The following FNIP1 variants were observed in gnomAD, a reference collection of about 807,000 sequenced individuals.
The protein encoded by FNIP1 is folliculin-interacting protein 1.
Under a neutral mutation model 124.5 loss-of-function variants are expected in FNIP1, and 40 were observed. The observed-to-expected ratio is 0.32, with a 90% CI of 0.25 to 0.42. The LOEUF (loss-of-function observed/expected upper bound fraction) is 0.42. Among genes scored for constraint, FNIP1 ranks in the 10% least tolerant of loss-of-function variants. The pLI is 1.00. For synonymous variants in FNIP1, 472 were observed against 470.6 expected (o/e 1.00, Z -0.04); for missense variants, 1,176 against 1,403.7 (o/e 0.84, Z 2.59).
intron 1 of FNIP1, among the ~76,000 whole-genome samples, chr5:131,772,044 CAAAGGA>C (rs1329917642): frequency 1.3e-5 from 2 of 152,000 alleles, no homozygotes; most frequent in Non-Finnish European, 2.9e-5. Context: ...TTCACACATA[CAAAGGA>C]ATACTACTTT....
intron 8 of FNIP1, among the ~76,000 whole-genome samples, chr5:131,707,236 C>A (rs546836837): frequency 1.2e-4 from 19 of 152,196 alleles, no homozygotes; most frequent in Non-Finnish European, 2.2e-4. Flanking sequence ...GCTACAACTG[C>A]TGATTTTTCA....
chr5:131,747,112 T>G (rs1486486414), intron 1 of FNIP1, among the ~76,000 whole-genome samples: 2 of 152,192 alleles, frequency 1.3e-5, no homozygotes, highest in Non-Finnish European at 2.9e-5. Flanking sequence ...TGCCCACTGT[T>G]TATTGGGGTT....
chr5:131,738,814 T>C (rs1293181822), intron 2 of FNIP1, among the ~76,000 whole-genome samples: 11 of 111,748 alleles, frequency 9.8e-5, no homozygotes, highest in African/African-American at 8.4e-4. Flanking sequence ...CATCCGGCCT[T>C]TTTTTTTTTT....
intron 5 of FNIP1, 138 bp downstream of exon 5, chr5:131,718,848 T>C: frequency 1.7e-6 from 1 of 587,898 alleles, no homozygotes. Context: ...AAGAGTGAAA[T>C]CTGGCTTCCA....
Position 131,677,863 on chromosome 5 carries a change from T to G in FNIP1, c.1359A>C (p.Pro453=), listed in dbSNP as rs1416720925. The G allele has an allele frequency of 6.2e-6, 10 of 1,613,142 alleles. No individual in the cohort carries two copies. The highest frequency in any genetic ancestry group is 8.5e-6 in the Non-Finnish European group (10 of 1,179,496). ...TGGTCAGAACTGCAGTAATGAGAGCTGGCAAGAATCTGAAAACAAAATACA... is the reference window on the plus strand; with the variant it reads ...TGGTCAGAACTGCAGTAATGAGAGCGGGCAAGAATCTGAAAACAAAATACA... ...MENASKNQFL[P]ALITAVLTNH... The change falls in exon 13 of 18, where the codon CCA becomes CCC. Residue 453 remains proline (P), a synonymous_variant. Coordinates refer to ENST00000510461, the MANE Select transcript of FNIP1 (RefSeq NM_133372.3).
At chr5:131,702,939 T>G (rs1434097404) in intron 10 of FNIP1, among the ~76,000 whole-genome samples, 1 of 152,222 alleles carries the variant, frequency 6.6e-6, no homozygotes, top group Non-Finnish European at 1.5e-5. Flanking sequence ...GGCTTACCAT[T>G]GCCTGTCCTC....
chr5:131,659,267 T>A (rs2149508875), intron 15 of FNIP1, among the ~76,000 whole-genome samples: 1 of 152,290 alleles, frequency 6.6e-6, no homozygotes, highest in Admixed American at 6.5e-5. Context: ...CATGTCACAT[T>A]TCATGATGGA....
At chr5:131,676,749 G>C (rs1036345033) in intron 13 of FNIP1, among the ~76,000 whole-genome samples, 3 of 152,078 alleles carry the variant, frequency 2.0e-5, no homozygotes, top group African/African-American at 7.2e-5. Context: ...AAAAGAGTGA[G>C]ACTTCATTAA....
chr5:131,743,558 A>G (rs1410804098), intron 2 of FNIP1, among the ~76,000 whole-genome samples: 1 of 152,122 alleles, frequency 6.6e-6, no homozygotes, highest in Non-Finnish European at 1.5e-5. Context: ...AGAGAAGGAC[A>G]CTGCTATGGA....
intron 6 of FNIP1, 22 bp from the exon 7 acceptor site, chr5:131,710,683 T>C: frequency 6.2e-7 from 1 of 1,608,260 alleles, no homozygotes; most frequent in Non-Finnish European, 8.5e-7. Context: ...AAACGTAAAA[T>C]ACACATGAAA....
Position 131,726,949 on chromosome 5 carries a change from T to C in FNIP1, c.354+3955A>G, listed in dbSNP as rs115080320. Reference sequence around the variant, plus strand: ...AGCAGGTTGTTCAGTTTCTAAGTAGTTGTGTAGTTTGAGTGAGTTTCTTAA... The same window carrying C: ...AGCAGGTTGTTCAGTTTCTAAGTAGCTGTGTAGTTTGAGTGAGTTTCTTAA... On this transcript the variant is annotated intron_variant, in intron 3 of 17. Coordinates refer to ENST00000510461, the MANE Select transcript of FNIP1 (RefSeq NM_133372.3). Among the ~76,000 whole-genome samples, 1,174 of 152,326 alleles carry C rather than the reference T, an allele frequency of 7.7e-3. 9 individuals are homozygous for C. The highest frequency in any genetic ancestry group is 0.026 in the African/African-American group (1,092 of 41,570).
chr5:131,691,994 A>G lies in FNIP1; in HGVS notation c.1202+6923T>C, dbSNP rs75627688. 1.2e-4 allele frequency among the ~76,000 whole-genome samples: 18 copies of G among 152,260 alleles called. No homozygotes were observed. In the East Asian group the frequency reaches 3.5e-3, roughly 29 times the overall value. The stretch of plus-strand genomic sequence containing the variant: ...TCTCACAACTCTCATTCAATATCAT[A>G]CTGGAAGTTATAGCTAGGGCTGTAA... On this transcript the variant is annotated intron_variant, in intron 11 of 17. Transcript: ENST00000510461.
intron 3 of FNIP1, among the ~76,000 whole-genome samples, chr5:131,720,503 C>G (rs1769622176): frequency 6.6e-6 from 1 of 151,962 alleles, no homozygotes; most frequent in African/African-American, 2.4e-5. Context: ...GGGACTACAT[C>G]AAACTAAAAT....
rs897170586 is a variant in FNIP1, at chr5:131,796,697, C to T, written c.92+133G>A. 6 of 798,744 alleles carry T rather than the reference C, an allele frequency of 7.5e-6. No homozygotes were observed. The Admixed American group carries it at 1.1e-4, about 15-fold the overall frequency. 49.5% of individuals were successfully genotyped at this position (798,744 alleles called of 1,614,324 possible). A position where few individuals can be genotyped will look rare whatever the true frequency, so the allele number is the denominator to read the frequency against. ...CGGCGCTAGCCCGCAGCCGGCTCCACCCCACCGAGGACCAGATGCTGCTCT... is the reference window on the plus strand; with the variant it reads ...CGGCGCTAGCCCGCAGCCGGCTCCATCCCACCGAGGACCAGATGCTGCTCT... On this transcript the variant is annotated intron_variant, in intron 1 of 17. Transcript: ENST00000510461.
At chr5:131,758,939 G>A (rs915415861) in intron 1 of FNIP1, among the ~76,000 whole-genome samples, 8 of 152,102 alleles carry the variant, frequency 5.3e-5, no homozygotes, top group African/African-American at 1.9e-4. Flanking sequence ...AAGGGCCACA[G>A]TACATAGGCA....
intron 15 of FNIP1, among the ~76,000 whole-genome samples, chr5:131,669,176 AAT>A (rs1406191238): frequency 5.9e-5 from 9 of 152,218 alleles, no homozygotes; most frequent in Non-Finnish European, 1.3e-4. Flanking sequence ...AGAAAATCTA[AAT>A]GTATAAAAGG....
chr5:131,708,634 T>C (rs545566057), intron 8 of FNIP1, among the ~76,000 whole-genome samples: 3 of 152,286 alleles, frequency 2.0e-5, no homozygotes, highest in East Asian at 3.9e-4. Flanking sequence ...CATCACACAA[T>C]GACCTATGAC....
rs1378505209 is a variant in FNIP1, at chr5:131,651,997, A to G, written c.3111T>C (p.His1037=). ...CTGCTATTGGTTCATCCAAAACTGG[A>G]TGCTGGAAATAAAAGAATAATTCAT... is the stretch of plus-strand genomic sequence containing the variant. ...LMSDLSHAVQ[H]PVLDEPIAEA... The change falls in exon 16 of 18, where the codon CAT becomes CAC. Residue 1037 remains histidine (H), a splice_region_variant and synonymous_variant. Coordinates refer to ENST00000510461, the MANE Select transcript of FNIP1 (RefSeq NM_133372.3). 1.2e-6 allele frequency: 2 copies of G among 1,610,038 alleles called. No individual in the cohort carries two copies. Among genetic ancestry groups the G allele is most frequent in the African/African-American group, 2.7e-5 (2 of 74,816 alleles).
chr5:131,719,303 A>G lies in FNIP1; in HGVS notation c.455+14T>C. On this transcript the variant is annotated intron_variant, in intron 4 of 17. Transcript: ENST00000510461. ...AAATGGGACTCGTTAAAAAAAAATC[A>G]GAAAACCTCTCACCGAATCTGATGA... 1 of 1,581,894 alleles carries G rather than the reference A, an allele frequency of 6.3e-7. No homozygotes were observed. The highest frequency in any genetic ancestry group is 1.2e-5 in the South Asian group (1 of 85,114).
Sources: allele counts gnomAD v4.1 joint callset (sites outside exome capture counted in the v4.1 genomes callset), GRCh38; gene constraint gnomAD v4.1.1; transcripts MANE v1.5; gene names NCBI Gene and HGNC (gene_info 2026-07-23, HGNC 2026-07-21).